KAZN: variants seen among roughly 807,000 people sequenced by gnomAD.
KAZN encodes the protein kazrin.
In KAZN, 40 loss-of-function variants were observed where a neutral mutation model predicts 87.4. That is an observed-to-expected ratio of 0.46 (90% CI 0.36 to 0.60). The LOEUF is 0.60. KAZN is among the 20% of genes least tolerant of loss of function. KAZN has a pLI of 0.00. For synonymous variants in KAZN, 466 were observed against 458.3 expected (o/e 1.02, Z -0.22); for missense variants, 898 against 1,073.9 (o/e 0.84, Z 2.29).
At chr1:14,712,948 T>C (rs1642565191) in intron 1 of KAZN, among the ~76,000 whole-genome samples, 1 of 152,252 alleles carries the variant, frequency 6.6e-6, no homozygotes. Context: ...ACACATTCCC[T>C]ATAGATGCTC....
intron 2 of KAZN, among the ~76,000 whole-genome samples, chr1:14,437,912 A>T (rs927908818): frequency 2.6e-5 from 4 of 152,140 alleles, no homozygotes; most frequent in Admixed American, 2.6e-4. Flanking sequence ...CATCCCATCC[A>T]GAGATGGGAT....
chr1:14,263,640 G>C (rs957128599), intron 2 of KAZN, among the ~76,000 whole-genome samples: 2 of 152,188 alleles, frequency 1.3e-5, no homozygotes, highest in Admixed American at 6.5e-5. Context: ...GTGGGAGCGG[G>C]GGCAGGGTGG....
At chr1:14,461,939 C>G (rs1667874548) in intron 2 of KAZN, among the ~76,000 whole-genome samples, 1 of 151,780 alleles carries the variant, frequency 6.6e-6, no homozygotes, top group African/African-American at 2.4e-5. Context: ...AATATGAATT[C>G]TCTCCTGGGT....
intron 1 of KAZN, among the ~76,000 whole-genome samples, chr1:14,674,999 G>A (rs1040419273): frequency 2.0e-5 from 3 of 152,052 alleles, no homozygotes; most frequent in Non-Finnish European, 2.9e-5. Flanking sequence ...TGTTGCCCAG[G>A]TTGGTCAGGA....
chr1:14,548,830 G>C (rs1673331569), intron 2 of KAZN, among the ~76,000 whole-genome samples: 1 of 152,162 alleles, frequency 6.6e-6, no homozygotes, highest in African/African-American at 2.4e-5. Context: ...GATCTCTAGG[G>C]CATTACACAG....
intron 1 of KAZN, among the ~76,000 whole-genome samples, chr1:14,050,304 C>A (rs12748863): frequency 0.16 from 24,938 of 152,204 alleles, 2,400 homozygotes; most frequent in Non-Finnish European, 0.22. Flanking sequence ...GGATACTTCT[C>A]TAAAGGCCAG....
intron 1 of KAZN, among the ~76,000 whole-genome samples, chr1:14,851,344 C>T (rs1027566693): frequency 6.6e-6 from 1 of 152,220 alleles, no homozygotes; most frequent in African/African-American, 2.4e-5. Context: ...CAGCTAGGGG[C>T]TCCCTTCTGC....
chr1:14,410,672 T>C (rs1474039650), intron 2 of KAZN, among the ~76,000 whole-genome samples: 1 of 152,166 alleles, frequency 6.6e-6, no homozygotes, highest in African/African-American at 2.4e-5. Context: ...AGAACTGTCC[T>C]TATGAGAGGG....
rs189285857 is a variant in KAZN at position 14,867,411 on chromosome 1, A to G, written c.227-93273A>G. Among the ~76,000 whole-genome samples, 605 of 152,170 alleles carry G rather than the reference A, an allele frequency of 4.0e-3. 5 individuals carry two copies. The highest frequency in any genetic ancestry group is 0.011 in the South Asian group (53 of 4,812). ...CCCAAGACCATTGTATTCCCCCGGGACCTGACTCTGGCCATGGTGCTGATG... is the reference window on the plus strand; with the variant it reads ...CCCAAGACCATTGTATTCCCCCGGGGCCTGACTCTGGCCATGGTGCTGATG... On this transcript the variant is annotated intron_variant, in intron 1 of 14. Transcript: ENST00000376030.
chr1:13,910,110 G>C (rs549950469), intron 1 of KAZN, among the ~76,000 whole-genome samples: 2 of 152,276 alleles, frequency 1.3e-5, no homozygotes, highest in African/African-American at 2.4e-5. Flanking sequence ...GTGTGGCCTG[G>C]GGGGAGGTGA....
rs540499720 is a variant in KAZN, at chr1:14,637,007, G to T, written c.226+37784G>T. ...TAATTTCCAAGGAGACCTCTGGAGG[G>T]CTGGACATGGTTACCCAGGAATCTG... On this transcript the variant is annotated intron_variant, in intron 1 of 14. Coordinates refer to ENST00000376030, the MANE Select transcript of KAZN (RefSeq NM_201628.3). 2.6e-5 allele frequency among the ~76,000 whole-genome samples: 4 copies of T among 152,252 alleles called. No individual in the cohort carries two copies. In the East Asian group the frequency reaches 7.7e-4, roughly 29 times the overall value.
At chr1:14,398,176 G>C (rs1411571363) in intron 2 of KAZN, among the ~76,000 whole-genome samples, 2 of 152,206 alleles carry the variant, frequency 1.3e-5, no homozygotes, top group Non-Finnish European at 2.9e-5. Context: ...ATGCTGCTGA[G>C]TTTTGAGTTA....
chr1:14,109,818 T>TGGCTCACTG (rs1427458889), intron 1 of KAZN, among the ~76,000 whole-genome samples: 89 of 149,926 alleles, frequency 5.9e-4, no homozygotes, highest in Middle Eastern at 3.4e-3. Flanking sequence ...CAAAACGATT[T>TGGCTCACTG]CAGCGTCAAG....
chr1:14,375,560 T>C (rs914577089), intron 2 of KAZN, among the ~76,000 whole-genome samples: 11 of 152,206 alleles, frequency 7.2e-5, no homozygotes, highest in South Asian at 2.1e-4. Flanking sequence ...TTTCATCTCA[T>C]GCTCAGCATA....
chr1:14,656,394 T>C (rs1405951067), intron 1 of KAZN, among the ~76,000 whole-genome samples: 1 of 152,162 alleles, frequency 6.6e-6, no homozygotes, highest in Non-Finnish European at 1.5e-5. Flanking sequence ...GGATGCTGGC[T>C]GGAAACCCCA....
At chr1:14,254,312 T>C (rs1650308021) in intron 2 of KAZN, among the ~76,000 whole-genome samples, 1 of 152,188 alleles carries the variant, frequency 6.6e-6, no homozygotes, top group South Asian at 2.1e-4. Flanking sequence ...GTGTTTGAAG[T>C]TTGCACCGAC....
rs549092023 is a variant in KAZN, at chr1:14,251,643, C to CTTTTTTTTT, written c.249+71068_249+71076dup. ...AGGCACAGTGAAAAGTTCTCCCGGA[C>CTTTTTTTTT]TTTTTTTTTTTTTTTTTTTTTTTTT... On this transcript the variant is annotated intron_variant, in intron 2 of 16. Coordinates refer to the KAZN transcript ENST00000636203. 5.6e-3 allele frequency among the ~76,000 whole-genome samples: 502 copies of CTTTTTTTTT among 90,316 alleles called. 36 individuals are homozygous for CTTTTTTTTT. Among genetic ancestry groups the CTTTTTTTTT allele is most frequent in the African/African-American group, 8.2e-3 (140 of 17,082 alleles). The allele number at this position is 90,316 out of a possible 152,430, so 59.3% of individuals were successfully genotyped here. A position where few individuals can be genotyped will look rare whatever the true frequency, so the allele number is the denominator to read the frequency against.
intron 2 of KAZN, among the ~76,000 whole-genome samples, chr1:14,399,137 C>T (rs1022494085): frequency 6.6e-6 from 1 of 152,128 alleles, no homozygotes; most frequent in Admixed American, 6.5e-5. Context: ...GCGATCCTCC[C>T]ACCTCAGCCT....
chr1:14,516,882 A>G (rs936213954), intron 2 of KAZN, among the ~76,000 whole-genome samples: 17 of 152,238 alleles, frequency 1.1e-4, no homozygotes, highest in Admixed American at 2.6e-4. Context: ...AAGGCAGTCA[A>G]CAAAATGTGT....
Sources: allele counts gnomAD v4.1 joint callset (sites outside exome capture counted in the v4.1 genomes callset), GRCh38; gene constraint gnomAD v4.1.1; transcripts MANE v1.5; gene names NCBI Gene and HGNC (gene_info 2026-07-23, HGNC 2026-07-21).